The following LAMB4 variants were observed in gnomAD, a reference collection of about 807,000 sequenced individuals.
LAMB4 encodes laminin subunit beta-4.
Under a neutral mutation model 199.2 loss-of-function variants are expected in LAMB4, and 196 were observed. The observed-to-expected ratio is 0.98, with a 90% confidence interval of 0.88 to 1.11. The LOEUF (loss-of-function observed/expected upper bound fraction) is 1.11, where lower values mean the gene tolerates loss of function less well. Ranked by LOEUF, LAMB4 falls within the 50% of genes least tolerant of loss-of-function variation. The pLI is 0.00. For synonymous variants in LAMB4, 744 were observed against 770.6 expected (o/e 0.97, Z 0.57); for missense variants, 2,080 against 2,171.2 (o/e 0.96, Z 0.83).
In LAMB4 at chr7:108,113,952, G is replaced by T. The variant is rs116348779; in HGVS notation, c.193-2006C>A. Among the ~76,000 whole-genome samples the T allele has an allele frequency of 7.9e-3, 1,210 of 152,282 alleles. 12 individuals are homozygous for T. Among genetic ancestry groups the T allele is most frequent in the African/African-American group, 0.027 (1,136 of 41,552 alleles). ...CTGAAATATTTTGAGGTTTTTTCCA[G>T]CTCTAAGCTTTCTAAGATTTCTGTC... On this transcript the variant is annotated intron_variant, in intron 3 of 33. Transcript: ENST00000388781.
At chr7:108,046,289 C>T (rs1024781468) in intron 28 of LAMB4, among the ~76,000 whole-genome samples, 1 of 148,120 alleles carries the variant, frequency 6.8e-6, no homozygotes, top group African/African-American at 2.5e-5. Context: ...TGGGGTTTCA[C>T]CATGTTGGCC....
intron 29 of LAMB4, among the ~76,000 whole-genome samples, chr7:108,040,797 T>G (rs531532124): frequency 2.3e-4 from 35 of 151,916 alleles, no homozygotes; most frequent in Non-Finnish European, 4.7e-4. Flanking sequence ...AACCCAAAAG[T>G]ATAAAAACCT....
At position 108,052,192 on chromosome 7, in the gene LAMB4, G is replaced by A. The variant is rs377473114; in HGVS notation, c.3821C>T (p.Thr1274Ile). The A allele has an allele frequency of 6.2e-7, 1 of 1,611,016 alleles. No homozygotes were observed. Among genetic ancestry groups the A allele is most frequent in the Non-Finnish European group, 8.5e-7 (1 of 1,178,488 alleles). Residue 1274 changes from threonine (T) to isoleucine (I), a missense_variant, in exon 26 of 34, where the codon ACA becomes ATA. By Grantham distance (89) the Thr-to-Ile change is moderately conservative. Transcript: ENST00000388781. Reference protein sequence around the residue: ...AVYEFQDLKDTIERAKNEADL... With the variant: ...AVYEFQDLKDIIERAKNEADL... ...TGCTTCATTCTTTGCTCTTTCTATTGTATCTTTCAGATCTTGAAATTCATA... is the reference window on the plus strand; with the variant it reads ...TGCTTCATTCTTTGCTCTTTCTATTATATCTTTCAGATCTTGAAATTCATA...
chr7:108,024,714 G>GATCCATCCATCCATCCATCC lies in LAMB4; in HGVS notation c.5147-556_5147-537dup, dbSNP rs772231270. Among the ~76,000 whole-genome samples the GATCCATCCATCCATCCATCC allele has an allele frequency of 3.2e-3, 481 of 151,206 alleles. 5 individuals carry two copies. The highest frequency in any genetic ancestry group is 0.011 in the African/African-American group (457 of 40,950). On this transcript the variant is annotated intron_variant, in intron 33 of 33. Coordinates refer to ENST00000388781, the MANE Select transcript of LAMB4 (RefSeq NM_007356.3). ...CCATTGACCCATCCATCGATCCATT[G>GATCCATCCATCCATCCATCC]ATCCATCCATCCATCCATCCATCCA...
chr7:108,062,882 G>A lies in LAMB4; in HGVS notation c.3174C>T (p.Gly1058=). 6.2e-7 allele frequency: 1 copy of A among 1,608,496 alleles called. No homozygotes were observed. Among genetic ancestry groups the A allele is most frequent in the Middle Eastern group, 1.7e-4 (1 of 6,054 alleles). ...CATCAGCACAACGGTCACAGGCCAG[G>A]CCTGTGACATTCGGCAGACAAGGAC... ...GACPCLPNVT[G]LACDRCADGY... is the part of the protein sequence containing the mutation. Residue 1058 remains glycine, a synonymous_variant, in exon 23 of 34, where the codon GGC becomes GGT. Transcript: ENST00000388781.
At chr7:108,118,823 C>G (rs2038500576) in intron 2 of LAMB4, among the ~76,000 whole-genome samples, 2 of 151,586 alleles carry the variant, frequency 1.3e-5, no homozygotes, top group East Asian at 3.9e-4. Flanking sequence ...AACTTTTGCT[C>G]TGAGAAAGAC....
intron 4 of LAMB4, among the ~76,000 whole-genome samples, chr7:108,109,448 G>A (rs2038140904): frequency 6.6e-6 from 1 of 152,198 alleles, no homozygotes; most frequent in Non-Finnish European, 1.5e-5. Flanking sequence ...CACCCTGACT[G>A]TGCCCACATC....
chr7:108,108,098 G>A (rs535815290), intron 5 of LAMB4, among the ~76,000 whole-genome samples: 1 of 152,030 alleles, frequency 6.6e-6, no homozygotes, highest in Non-Finnish European at 1.5e-5. Flanking sequence ...ATGCCACCAT[G>A]CCCAGATAAT....
intron 25 of LAMB4, among the ~76,000 whole-genome samples, chr7:108,055,420 C>A (rs1262652110): frequency 6.6e-6 from 1 of 151,694 alleles, no homozygotes; most frequent in Admixed American, 6.6e-5. Flanking sequence ...CTCCTGACCT[C>A]AAGTGATCCA....
chr7:108,034,406 C>T (rs2035154791), intron 30 of LAMB4, 60 bp from the exon 31 acceptor site: 1 of 1,345,632 alleles, frequency 7.4e-7, no homozygotes, highest in Non-Finnish European at 1.1e-6. Flanking sequence ...CTTATTTCAC[C>T]TTGAGAGAGT....
rs1457723110 is a variant in LAMB4, at chr7:108,037,532, G to C, written c.4535C>G (p.Pro1512Arg). The C allele has an allele frequency of 2.5e-6, 4 of 1,614,120 alleles. 1 individual carries two copies. Among genetic ancestry groups the C allele is most frequent in the Non-Finnish European group, 3.4e-6 (4 of 1,180,010 alleles). ...ATCGGTTAGATTTTGGGATGGAATT[G>C]GTAGGTGAATGTCAAGCACACCATT... ...VANGVLDIHL[P>R]IPSQNLTDEL... The change falls in exon 30 of 34, where the codon CCA becomes CGA. Residue 1512 changes from proline to arginine, a missense_variant. Pro to Arg is a moderately radical substitution (Grantham distance 103). Transcript: ENST00000388781.
intron 14 of LAMB4, among the ~76,000 whole-genome samples, chr7:108,082,262 G>A (rs760078123): frequency 4.6e-5 from 7 of 151,362 alleles, no homozygotes; most frequent in East Asian, 2.0e-4. Flanking sequence ...CCCGGAAGGC[G>A]GAGCTTGCAG....
chr7:108,016,573 T>C, the LAMB4 span, among the ~76,000 whole-genome samples: 1 of 152,218 alleles, frequency 6.6e-6, no homozygotes, highest in Non-Finnish European at 1.5e-5. Context: ...CATGAACCAC[T>C]GAGCCCAACC....
intron 21 of LAMB4, among the ~76,000 whole-genome samples, chr7:108,065,276 A>C (rs1336909321): frequency 6.6e-6 from 1 of 152,142 alleles, no homozygotes; most frequent in Non-Finnish European, 1.5e-5. Flanking sequence ...TTGAATTAAG[A>C]CTTATGTGAT....
chr7:108,027,045 A>T (rs144169497), intron 33 of LAMB4: 1 of 379,744 alleles, frequency 2.6e-6, no homozygotes, highest in Non-Finnish European at 5.1e-6. Flanking sequence ...GGATCAGTGG[A>T]AACAATGTGT....
At chr7:108,056,971 CAAAAAAAAAAA>C (rs553536221) in intron 24 of LAMB4, among the ~76,000 whole-genome samples, 1 of 51,816 alleles carries the variant, frequency 1.9e-5, no homozygotes, top group Admixed American at 2.0e-4. Context: ...GACCCTGTCT[CAAAAAAAAAAA>C]AAAAAAAAGC....
At chr7:108,070,938 T>C (rs979905984) in intron 17 of LAMB4, among the ~76,000 whole-genome samples, 35 of 152,200 alleles carry the variant, frequency 2.3e-4, no homozygotes, top group Admixed American at 5.9e-4. Context: ...AGCTTCCTAC[T>C]ACCTGCCTCC....
At chr7:108,071,353 C>A (rs1584682775) in intron 17 of LAMB4, among the ~76,000 whole-genome samples, 1 of 152,262 alleles carries the variant, frequency 6.6e-6, no homozygotes, top group African/African-American at 2.4e-5. Context: ...CAGCACCCCC[C>A]TAACTCCACA....
chr7:108,066,737 A>G, intron 19 of LAMB4, 137 bp from the exon 20 acceptor site: 1 of 595,156 alleles, frequency 1.7e-6, no homozygotes, highest in Non-Finnish European at 3.0e-6. Flanking sequence ...AGGACACAGC[A>G]TATAATGAGT....
Sources: allele counts gnomAD v4.1 joint callset (sites outside exome capture counted in the v4.1 genomes callset), GRCh38; gene constraint gnomAD v4.1.1; transcripts MANE v1.5; gene names NCBI Gene and HGNC (gene_info 2026-07-23, HGNC 2026-07-21).